The following UBN2 variants were observed in gnomAD, a reference collection of about 807,000 sequenced individuals.
The protein encoded by UBN2 is ubinuclein 2.
In UBN2, 35 loss-of-function variants were observed where a neutral mutation model predicts 120.2. The ratio of observed to expected loss-of-function variants is 0.29; its 90% CI spans 0.22 to 0.39. UBN2 has a LOEUF of 0.39. Ranked by LOEUF, UBN2 falls within the 10% of genes least tolerant of loss-of-function variation. The pLI, the probability that UBN2 is intolerant of heterozygous loss-of-function variation, is 1.00. For synonymous variants in UBN2, 661 were observed against 648.7 expected, an observed-to-expected ratio of 1.02 and a Z score of -0.29; for missense variants, 1,693 against 1,663.2, an observed-to-expected ratio of 1.02 and a Z score of -0.31.
rs374381489 is a variant in UBN2, at chr7:139,283,164, C to A, written c.2259C>A (p.Asp753Glu). Residue 753 changes from aspartate (D) to glutamate (E), a missense_variant, in exon 15 of 18, where the codon GAC becomes GAA. Around this residue, in one of 5 missense-constraint regions of UBN2, gnomAD observed 837 missense variants for 817.6 expected, o/e 1.02. Coordinates refer to ENST00000473989, the MANE Select transcript of UBN2 (RefSeq NM_173569.4). ...CAGCCCAAGAAACCATCTGCCTCGA[C>A]GACTCACTAGATGAAGACCTTTCTT... Reference protein sequence around the residue: ...SAPAQETICLDDSLDEDLSFH... With the variant: ...SAPAQETICLEDSLDEDLSFH... 1 of 1,612,112 alleles carries A rather than the reference C, an allele frequency of 6.2e-7. No individual in the cohort carries two copies. The highest frequency in any genetic ancestry group is 1.7e-4 in the Middle Eastern group (1 of 6,060).
At chr7:139,266,194 A>G in intron 6 of UBN2, 139 bp from the exon 7 acceptor site, 1 of 494,414 alleles carries the variant, frequency 2.0e-6, no homozygotes, top group Non-Finnish European at 3.6e-6. Context: ...GAAGTTTGAT[A>G]CCAACCTGGG....
chr7:139,284,330 A>G lies in UBN2; in HGVS notation c.3425A>G (p.Asn1142Ser), dbSNP rs1797714616. ...SRTSGLPPTK[N>S]LQAPSKLTNS... ...ACTTCAGGCCTTCCACCTACAAAAA[A>G]TCTTCAGGCCCCCTCAAAGCTAACA... The change falls in exon 15 of 18, where the codon AAT becomes AGT. Residue 1142 changes from asparagine to serine, a missense_variant. Around this residue, in one of 5 missense-constraint regions of UBN2, gnomAD observed 837 missense variants for 817.6 expected, o/e 1.02. Transcript: ENST00000473989. 6.2e-7 allele frequency: 1 copy of G among 1,614,036 alleles called. No individual in the cohort carries two copies. Among genetic ancestry groups the G allele is most frequent in the Admixed American group, 1.7e-5 (1 of 59,986 alleles).
At chr7:139,289,937 A>G (rs1585028456) in intron 15 of UBN2, among the ~76,000 whole-genome samples, 1 of 151,772 alleles carries the variant, frequency 6.6e-6, no homozygotes, top group Non-Finnish European at 1.5e-5. Context: ...TCTGTTGCCC[A>G]GGCTAGAGTG....
chr7:139,290,740 A>C (rs1313268199), intron 15 of UBN2, among the ~76,000 whole-genome samples: 2 of 152,230 alleles, frequency 1.3e-5, no homozygotes, highest in African/African-American at 4.8e-5. Context: ...TTTTATTAAC[A>C]AATAAAGGAG....
At chr7:139,279,663 T>C (rs1384750288) in intron 13 of UBN2, among the ~76,000 whole-genome samples, 1 of 152,202 alleles carries the variant, frequency 6.6e-6, no homozygotes, top group Non-Finnish European at 1.5e-5. Context: ...GAAAAATTCA[T>C]AAGACCAGAA....
chr7:139,252,778 A>G (rs1796654966), intron 3 of UBN2, among the ~76,000 whole-genome samples: 1 of 152,140 alleles, frequency 6.6e-6, no homozygotes, highest in African/African-American at 2.4e-5. Flanking sequence ...AACAAAAATA[A>G]GTTTCTTAAA....
intron 9 of UBN2, among the ~76,000 whole-genome samples, chr7:139,272,994 A>G (rs1797334189): frequency 6.6e-6 from 1 of 152,226 alleles, no homozygotes; most frequent in South Asian, 2.1e-4. Flanking sequence ...TATGGAGGTG[A>G]TCAAGCAAGA....
downstream of UBN2, among the ~76,000 whole-genome samples, chr7:139,310,692 G>A (rs960905750): frequency 1.3e-5 from 2 of 152,212 alleles, no homozygotes; most frequent in Non-Finnish European, 2.9e-5. Context: ...AGAATCGCTT[G>A]CACCTAGGAG....
intron 3 of UBN2, among the ~76,000 whole-genome samples, chr7:139,257,757 C>T (rs1049043084): frequency 1.3e-5 from 2 of 152,058 alleles, no homozygotes; most frequent in African/African-American, 2.4e-5. Flanking sequence ...TAAAAGCATA[C>T]GGCTAAGACA....
rs1797298585 is a variant in UBN2 at position 139,272,269 on chromosome 7, C to G, written c.1597-53C>G. Reference sequence around the variant, plus strand: ...ATTTTATCTTTTGAGGACCTGCTTACAAGATTTCGTAAATATGTCTGATAA... The same window carrying G: ...ATTTTATCTTTTGAGGACCTGCTTAGAAGATTTCGTAAATATGTCTGATAA... On this transcript the variant is annotated intron_variant, in intron 8 of 17. Transcript: ENST00000473989. 2.9e-6 allele frequency: 4 copies of G among 1,379,810 alleles called. No homozygotes were observed. In the South Asian group the frequency reaches 5.1e-5, roughly 18 times the overall value. The allele number at this position is 1,379,810 out of a possible 1,614,324, so 85.5% of individuals were successfully genotyped here. A position where few individuals can be genotyped will look rare whatever the true frequency, so the allele number is the denominator to read the frequency against.
intron 3 of UBN2, 116 bp downstream of exon 3, chr7:139,252,173 C>A: frequency 1.3e-6 from 1 of 766,574 alleles, no homozygotes; most frequent in Non-Finnish European, 2.1e-6. Context: ...CTTTTTAAAG[C>A]CATGTTCACT....
intron 2 of UBN2, among the ~76,000 whole-genome samples, chr7:139,249,254 A>C (rs997545432): frequency 6.6e-6 from 1 of 152,196 alleles, no homozygotes; most frequent in African/African-American, 2.4e-5. Context: ...TATAGTAATC[A>C]TGTTGTTTTG....
chr7:139,325,428 C>T, the UBN2 span, among the ~76,000 whole-genome samples: 2 of 151,834 alleles, frequency 1.3e-5, no homozygotes, highest in Admixed American at 1.3e-4. Context: ...CTACCACGCT[C>T]AGCTAATGTT....
At chr7:139,314,469 G>A in the UBN2 span, among the ~76,000 whole-genome samples, 11 of 151,708 alleles carry the variant, frequency 7.3e-5, no homozygotes, top group African/African-American at 2.7e-4. Context: ...AAAAAAAGAA[G>A]TGTATTTGTA....
chr7:139,293,964 T>TA lies in UBN2; in HGVS notation c.3978dup (p.Gln1327ThrfsTer11), dbSNP rs1798037696. On this transcript the variant is annotated frameshift_variant, in exon 17 of 18. Coordinates refer to ENST00000473989, the MANE Select transcript of UBN2 (RefSeq NM_173569.4). LOFTEE classifies it high-confidence loss of function. ...TCCCACTCACCTCTGCCTGCACACT[T>TA]ACAGCAAGCATTTCACGGTGAGAAC... The TA allele has an allele frequency of 6.2e-7, 1 of 1,614,140 alleles. No individual in the cohort carries two copies. The highest frequency in any genetic ancestry group is 8.5e-7 in the Non-Finnish European group (1 of 1,179,996).
At chr7:139,275,977 T>A in intron 11 of UBN2, 120 bp from the exon 12 acceptor site, 3 of 770,040 alleles carry the variant, frequency 3.9e-6, no homozygotes, top group Non-Finnish European at 6.4e-6. Context: ...CCATTATAAC[T>A]TTTACTTGGT....
At chr7:139,233,810 G>A (rs1177952906) in intron 1 of UBN2, among the ~76,000 whole-genome samples, 1 of 151,880 alleles carries the variant, frequency 6.6e-6, no homozygotes, top group Non-Finnish European at 1.5e-5. Context: ...TGACACCCTA[G>A]CTTTGTTAAC....
chr7:139,308,962 C>T (rs563478234), downstream of UBN2, among the ~76,000 whole-genome samples: 41 of 152,232 alleles, frequency 2.7e-4, no homozygotes, highest in African/African-American at 9.4e-4. Flanking sequence ...CCCAGCTACT[C>T]GGGAAGCTGA....
chr7:139,284,715 C>A (rs1334358856), intron 15 of UBN2, 141 bp downstream of exon 15: 45 of 726,094 alleles, frequency 6.2e-5, no homozygotes, highest in Non-Finnish European at 9.8e-5. Context: ...TGGAATGTTC[C>A]TGATGCTGAC....
Sources: allele counts gnomAD v4.1 joint callset (sites outside exome capture counted in the v4.1 genomes callset), GRCh38; gene constraint gnomAD v4.1.1; regional missense constraint gnomAD v4.1.1; transcripts MANE v1.5; gene names NCBI Gene and HGNC (gene_info 2026-07-23, HGNC 2026-07-21).